Variants in ADGRL3 observed in about 807,000 individuals in gnomAD.
ADGRL3 encodes calcium-independent alpha-latrotoxin receptor 3.
A neutral mutation model predicts 153.5 loss-of-function variants in ADGRL3; 62 were observed. The observed-to-expected ratio is 0.40, with a 90% confidence interval of 0.33 to 0.50. ADGRL3 has a LOEUF of 0.50. ADGRL3 is among the 20% of genes least tolerant of loss of function. The pLI is 0.47. For missense variants in ADGRL3, 1,641 were observed against 1,859.4 expected (o/e 0.88, Z 2.16); for synonymous variants, 710 against 672.5 (o/e 1.06, Z -0.86).
intron 5 of ADGRL3, among the ~76,000 whole-genome samples, chr4:61,612,275 A>C (rs2091457659): frequency 6.6e-6 from 1 of 152,152 alleles, no homozygotes; most frequent in Non-Finnish European, 1.5e-5. Flanking sequence ...GGTTATTGTG[A>C]ATTTTATCAA....
chr4:61,517,121 A>T (rs1246533212), intron 3 of ADGRL3, among the ~76,000 whole-genome samples, 194 bp from the exon 4 acceptor site: 3 of 149,770 alleles, frequency 2.0e-5, no homozygotes, highest in East Asian at 4.0e-4. Flanking sequence ...TTTAACTAGG[A>T]TAGCATTATA....
chr4:61,972,588 G>A (rs2099032568), intron 17 of ADGRL3, among the ~76,000 whole-genome samples: 2 of 152,152 alleles, frequency 1.3e-5, no homozygotes, highest in South Asian at 4.1e-4. Flanking sequence ...AAGTCAGGTA[G>A]CGTGATGCCT....
rs575202503 is a variant in ADGRL3 at position 62,052,936 on chromosome 4, A to G, written c.3814+8387A>G. On this transcript the variant is annotated intron_variant, in intron 25 of 26. Coordinates refer to ENST00000683033, the MANE Select transcript of ADGRL3 (RefSeq NM_001387552.1). ...AATATTATAAATTAAAATTTTTATT[A>G]TTGTATTGCTAATTCTGGTTTTAAC... Among the ~76,000 whole-genome samples the G allele has an allele frequency of 2.4e-4, 36 of 151,466 alleles. 1 individual carries two copies. The highest frequency in any genetic ancestry group is 8.7e-4 in the African/African-American group (36 of 41,524).
At chr4:61,482,224 A>G (rs2098138679) in intron 2 of ADGRL3, among the ~76,000 whole-genome samples, 2 of 152,178 alleles carry the variant, frequency 1.3e-5, no homozygotes, top group Admixed American at 1.3e-4. Context: ...ACTGAATTAA[A>G]CAATGTTTTA....
At chr4:61,856,948 TTCTCTTTCTTTCTTTCTTTC>T (rs1378173021) in intron 9 of ADGRL3, among the ~76,000 whole-genome samples, 4 of 88,128 alleles carry the variant, frequency 4.5e-5, no homozygotes, top group African/African-American at 1.6e-4. Flanking sequence ...CTCTTTCTTC[TTCTCTTTCTTTCTTTCTTTC>T]TTTCTTTCTT....
At chr4:61,981,353 T>C (rs1195051318) in intron 18 of ADGRL3, among the ~76,000 whole-genome samples, 3 of 152,296 alleles carry the variant, frequency 2.0e-5, no homozygotes, top group East Asian at 1.9e-4. Context: ...GTTTTTCTAA[T>C]TGATGTATTT....
intron 13 of ADGRL3, among the ~76,000 whole-genome samples, chr4:61,920,212 C>T (rs189575586): frequency 2.3e-3 from 344 of 152,254 alleles, no homozygotes; most frequent in African/African-American, 7.9e-3. Flanking sequence ...AGAGAATACA[C>T]ATCAATTTAC....
intron 8 of ADGRL3, among the ~76,000 whole-genome samples, chr4:61,797,421 G>T (rs2097427929): frequency 6.6e-6 from 1 of 152,158 alleles, no homozygotes; most frequent in Non-Finnish European, 1.5e-5. Context: ...TTTAGGCAGA[G>T]TATGGGGAAA....
At chr4:61,875,690 A>G (rs2098470790) in intron 9 of ADGRL3, among the ~76,000 whole-genome samples, 1 of 152,244 alleles carries the variant, frequency 6.6e-6, no homozygotes, top group African/African-American at 2.4e-5. Context: ...TTTTATGATT[A>G]CATTGAATTT....
At chr4:61,723,579 C>T (rs1169254593) in intron 6 of ADGRL3, among the ~76,000 whole-genome samples, 1 of 152,054 alleles carries the variant, frequency 6.6e-6, no homozygotes, top group Non-Finnish European at 1.5e-5. Flanking sequence ...TTCACGTAGC[C>T]AGTGAAAAAA....
chr4:61,952,464 G>T lies in ADGRL3; in HGVS notation c.2805+4188G>T, dbSNP rs529090487. Among the ~76,000 whole-genome samples, 165 of 148,850 alleles carry T rather than the reference G, an allele frequency of 1.1e-3. 1 individual carries two copies. The highest frequency in any genetic ancestry group is 6.9e-3 in the Middle Eastern group (2 of 288). ...ACTGCACTATAGTCTGGGCAACAGA[G>T]TGAGACCCTGTCTCAAAAAAAAAAA... On this transcript the variant is annotated intron_variant, in intron 17 of 26. Transcript: ENST00000683033.
chr4:61,809,692 C>A (rs1375618830), intron 8 of ADGRL3, among the ~76,000 whole-genome samples: 1 of 151,924 alleles, frequency 6.6e-6, no homozygotes, highest in African/African-American at 2.4e-5. Context: ...TTACTGCTTG[C>A]TTTCTTCTCA....
At chr4:62,033,853 G>C (rs1165257903) in intron 23 of ADGRL3, among the ~76,000 whole-genome samples, 4 of 151,556 alleles carry the variant, frequency 2.6e-5, no homozygotes, top group Non-Finnish European at 4.4e-5. Flanking sequence ...AAATGTTAAA[G>C]TTAATTTGGA....
chr4:61,665,504 T>C (rs2094761419), intron 5 of ADGRL3, among the ~76,000 whole-genome samples: 1 of 152,028 alleles, frequency 6.6e-6, no homozygotes, highest in South Asian at 2.1e-4. Flanking sequence ...TACCTGGAAA[T>C]TCAGTAACCG....
At chr4:62,006,582 T>C (rs1315637008) in intron 21 of ADGRL3, among the ~76,000 whole-genome samples, 3 of 151,718 alleles carry the variant, frequency 2.0e-5, no homozygotes, top group East Asian at 3.9e-4. Context: ...TATAGATTTT[T>C]TTTTTTTTTT....
chr4:61,874,839 TC>T (rs2098465592), intron 9 of ADGRL3, among the ~76,000 whole-genome samples: 1 of 122,908 alleles, frequency 8.1e-6, no homozygotes, highest in Non-Finnish European at 1.6e-5. Context: ...TCTCGCTCTG[TC>T]GCCCAGGCCG....
intron 9 of ADGRL3, among the ~76,000 whole-genome samples, chr4:61,889,584 A>C (rs1281988664): frequency 6.6e-6 from 1 of 152,070 alleles, no homozygotes; most frequent in African/African-American, 2.4e-5. Flanking sequence ...GTAATTTTAG[A>C]AAAAAAATAA....
At chr4:61,977,578 C>G (rs957679928) in intron 17 of ADGRL3, among the ~76,000 whole-genome samples, 3 of 152,150 alleles carry the variant, frequency 2.0e-5, no homozygotes, top group African/African-American at 7.2e-5. Context: ...TATTTCAAAA[C>G]TGCTTCATTG....
intron 8 of ADGRL3, among the ~76,000 whole-genome samples, chr4:61,748,244 G>C (rs911064768): frequency 2.6e-5 from 4 of 152,134 alleles, no homozygotes; most frequent in African/African-American, 9.7e-5. Context: ...CCATGCTCAT[G>C]GGTAGGAAGA....
Sources: gnomAD v4.1 joint callset for allele counts (sites outside exome capture counted in the v4.1 genomes callset) on GRCh38, gnomAD v4.1.1 for gene constraint, MANE v1.5 for transcripts, NCBI Gene and HGNC (gene_info 2026-07-23, HGNC 2026-07-21) for gene names.